Variants in DLC1 observed in about 807,000 individuals in gnomAD.
DLC1 encodes the protein rho GTPase-activating protein 7.
A neutral mutation model predicts 140.3 loss-of-function variants in DLC1; 54 were observed. The observed-to-expected ratio is 0.38, with a 90% CI of 0.31 to 0.48. The LOEUF (loss-of-function observed/expected upper bound fraction) is 0.48. Ranked by LOEUF, DLC1 falls within the 20% of genes least tolerant of loss-of-function variation. The pLI is 0.96. For missense variants in DLC1, 2,536 were observed against 1,907.0 expected, an observed-to-expected ratio of 1.33 and a Z score of -6.14; for synonymous variants, 986 against 728.1, an observed-to-expected ratio of 1.35 and a Z score of -5.70.
chr8:13,322,189 A>G (rs564154381), intron 4 of DLC1, among the ~76,000 whole-genome samples: 1 of 152,306 alleles, frequency 6.6e-6, no homozygotes, highest in Admixed American at 6.5e-5. Context: ...ATTTCTTAAA[A>G]CATTTATAAT....
chr8:13,306,150 T>A (rs928518568), intron 4 of DLC1, among the ~76,000 whole-genome samples: 6 of 152,196 alleles, frequency 3.9e-5, no homozygotes, highest in African/African-American at 1.4e-4. Flanking sequence ...GAAAAGCCAC[T>A]CTTACTATTT....
chr8:13,292,346 C>T (rs1586081248), intron 5 of DLC1, among the ~76,000 whole-genome samples: 1 of 152,200 alleles, frequency 6.6e-6, no homozygotes, highest in South Asian at 2.1e-4. Context: ...GGGAGAACGG[C>T]TCCTGATTAG....
At chr8:13,370,109 C>T (rs1163128307) in intron 4 of DLC1, among the ~76,000 whole-genome samples, 11 of 150,998 alleles carry the variant, frequency 7.3e-5, no homozygotes, top group African/African-American at 2.7e-4. Flanking sequence ...AAACTTTACT[C>T]AAAAACCTAA....
intron 1 of DLC1, among the ~76,000 whole-genome samples, chr8:13,596,073 G>C (rs1303667882): frequency 6.6e-6 from 1 of 151,988 alleles, no homozygotes; most frequent in Admixed American, 6.6e-5. Context: ...TTTAAACTAA[G>C]TTTCAGTTGG....
intron 5 of DLC1, among the ~76,000 whole-genome samples, chr8:13,150,350 A>G (rs763818288): frequency 1.3e-5 from 2 of 152,252 alleles, no homozygotes; most frequent in Admixed American, 6.5e-5. Context: ...TTCAAATTAC[A>G]TTAGACAGTG....
chr8:13,199,503 T>G (rs143512073), intron 5 of DLC1, among the ~76,000 whole-genome samples: 330 of 152,302 alleles, frequency 2.2e-3, no homozygotes, highest in African/African-American at 7.1e-3. Flanking sequence ...AGAACCCTAC[T>G]GCAACATCAT....
At chr8:13,379,676 G>A (rs890152044) in intron 4 of DLC1, among the ~76,000 whole-genome samples, 3 of 152,100 alleles carry the variant, frequency 2.0e-5, no homozygotes, top group Non-Finnish European at 4.4e-5. Flanking sequence ...TGGGGTACAT[G>A]TGCAGAACTT....
intron 5 of DLC1, among the ~76,000 whole-genome samples, chr8:13,181,850 C>G (rs201937193): frequency 5.9e-5 from 9 of 151,976 alleles, no homozygotes; most frequent in Non-Finnish European, 1.2e-4. Context: ...GGGTATATAC[C>G]CAGTAATGGG....
intron 2 of DLC1, among the ~76,000 whole-genome samples, chr8:13,441,588 A>G (rs889576392): frequency 1.3e-5 from 2 of 152,198 alleles, no homozygotes; most frequent in African/African-American, 2.4e-5. Context: ...GAGCCAAATC[A>G]TGAGTGAACT....
At chr8:13,445,289 C>A (rs1798726607) in intron 2 of DLC1, among the ~76,000 whole-genome samples, 1 of 152,098 alleles carries the variant, frequency 6.6e-6, no homozygotes, top group Non-Finnish European at 1.5e-5. Flanking sequence ...AACCAGGGAA[C>A]AGAAAGCAGA....
chr8:13,189,746 G>A (rs912859739), intron 5 of DLC1, among the ~76,000 whole-genome samples: 1 of 152,084 alleles, frequency 6.6e-6, no homozygotes, highest in African/African-American at 2.4e-5. Flanking sequence ...GCCAAGTGTG[G>A]TGGTACATGC....
chr8:13,159,171 C>G (rs187437062), intron 5 of DLC1, among the ~76,000 whole-genome samples: 1 of 152,110 alleles, frequency 6.6e-6, no homozygotes, highest in African/African-American at 2.4e-5. Context: ...AATACCAGTA[C>G]GGTGGCAGGA....
At chr8:13,173,337 C>T (rs1366262840) in intron 5 of DLC1, among the ~76,000 whole-genome samples, 2 of 150,688 alleles carry the variant, frequency 1.3e-5, no homozygotes, top group African/African-American at 4.9e-5. Context: ...TCTATGGAAA[C>T]CAAATAATGC....
chr8:13,567,533 T>C, intron 1 of DLC1: 1 of 1,551,816 alleles, frequency 6.4e-7, no homozygotes, highest in South Asian at 1.2e-5. Flanking sequence ...TTTAAAAACA[T>C]GAGGACAACG....
At chr8:13,518,388 C>G (rs943685934), upstream of DLC1, among the ~76,000 whole-genome samples, 1 of 152,128 alleles carries the variant, frequency 6.6e-6, no homozygotes, top group Non-Finnish European at 1.5e-5. Flanking sequence ...GGTTTAGAGG[C>G]GTGAGCCACT....
chr8:13,498,829 A>G (rs1362091386), intron 2 of DLC1: 1 of 467,860 alleles, frequency 2.1e-6, no homozygotes, highest in African/African-American at 2.0e-5. Context: ...AATATTCATA[A>G]ACCATTATAC....
intron 2 of DLC1, among the ~76,000 whole-genome samples, chr8:13,405,233 T>C (rs1022472113): frequency 6.6e-6 from 1 of 152,162 alleles, no homozygotes; most frequent in Non-Finnish European, 1.5e-5. Context: ...GTATGACTGA[T>C]CCTGTCACCC....
intron 1 of DLC1, chr8:13,567,582 T>C (rs1374755272): frequency 1.9e-6 from 3 of 1,551,768 alleles, no homozygotes; most frequent in South Asian, 1.2e-5. Flanking sequence ...ACATATCTTA[T>C]CAGTGTCCCT....
chr8:13,550,359 C>A (rs1563434916), intron 1 of DLC1, among the ~76,000 whole-genome samples: 1 of 152,078 alleles, frequency 6.6e-6, no homozygotes, highest in Non-Finnish European at 1.5e-5. Flanking sequence ...CCTGAGGCCT[C>A]CCCAGCCATG....
Sources: allele counts gnomAD v4.1 joint callset (sites outside exome capture counted in the v4.1 genomes callset), GRCh38; gene constraint gnomAD v4.1.1; transcripts MANE v1.5; gene names NCBI Gene and HGNC (gene_info 2026-07-23, HGNC 2026-07-21).